Variants in SLC24A2 observed in about 807,000 individuals in gnomAD.
SLC24A2 encodes sodium/potassium/calcium exchanger 2.
Under a neutral mutation model 62.0 loss-of-function variants are expected in SLC24A2, and 36 were observed. The ratio of observed to expected loss-of-function variants is 0.58; its 90% CI spans 0.44 to 0.77. SLC24A2 has a LOEUF of 0.77. SLC24A2 is among the 30% of genes least tolerant of loss of function. The pLI is 0.00. For missense variants in SLC24A2, 846 were observed against 817.9 expected (o/e 1.03, Z -0.42); for synonymous variants, 358 against 294.0 (o/e 1.22, Z -2.23).
At chr9:19,810,497 C>T in the SLC24A2 span, among the ~76,000 whole-genome samples, 1 of 152,134 alleles carries the variant, frequency 6.6e-6, no homozygotes, top group African/African-American at 2.4e-5. Flanking sequence ...AAGAACTGAT[C>T]GGCTCTAATG....
intron 8 of SLC24A2, among the ~76,000 whole-genome samples, chr9:19,534,399 G>A (rs745723255): frequency 3.3e-5 from 5 of 152,046 alleles, no homozygotes; most frequent in Non-Finnish European, 7.4e-5. Flanking sequence ...GGGTACATGC[G>A]CAGAATGTGC....
the SLC24A2 span, among the ~76,000 whole-genome samples, chr9:20,220,470 C>T: frequency 6.6e-6 from 1 of 152,188 alleles, no homozygotes; most frequent in Admixed American, 6.5e-5. Context: ...GGCCTGACCA[C>T]TTCCTGGATC....
At chr9:19,909,996 A>G in the SLC24A2 span, among the ~76,000 whole-genome samples, 3 of 152,116 alleles carry the variant, frequency 2.0e-5, no homozygotes, top group Admixed American at 6.6e-5. Context: ...TCAAAATAAT[A>G]TTTATTGAGT....
At chr9:20,278,858 C>T in the SLC24A2 span, among the ~76,000 whole-genome samples, 560 of 152,246 alleles carry the variant, frequency 3.7e-3, 6 homozygotes, top group African/African-American at 0.013. Context: ...TGTATTAGTC[C>T]ATTCTCACAC....
chr9:19,877,093 A>G, the SLC24A2 span, among the ~76,000 whole-genome samples: 1 of 151,810 alleles, frequency 6.6e-6, no homozygotes, highest in Non-Finnish European at 1.5e-5. Flanking sequence ...TGTGCAGATT[A>G]TTACGCCATT....
At chr9:20,029,238 G>C in the SLC24A2 span, among the ~76,000 whole-genome samples, 1 of 152,340 alleles carries the variant, frequency 6.6e-6, no homozygotes, top group Non-Finnish European at 1.5e-5. Context: ...GTCCATGCCT[G>C]GCTGGGGGAC....
At chr9:20,138,824 C>G in the SLC24A2 span, among the ~76,000 whole-genome samples, 1 of 152,166 alleles carries the variant, frequency 6.6e-6, no homozygotes, top group Non-Finnish European at 1.5e-5. Context: ...AAGAATCCTC[C>G]CCAGTAGATG....
chr9:20,202,828 G>C, the SLC24A2 span, among the ~76,000 whole-genome samples: 1 of 152,102 alleles, frequency 6.6e-6, no homozygotes, highest in Non-Finnish European at 1.5e-5. Flanking sequence ...GGGCTTAGTA[G>C]GTATTAACAT....
the SLC24A2 span, among the ~76,000 whole-genome samples, chr9:20,076,861 GTATATA>G: frequency 2.4e-3 from 253 of 105,862 alleles, no homozygotes; most frequent in African/African-American, 8.8e-3. Context: ...CATATCATAT[GTATATA>G]TATATATATA....
At chr9:20,235,496 G>A in the SLC24A2 span, among the ~76,000 whole-genome samples, 2 of 152,344 alleles carry the variant, frequency 1.3e-5, no homozygotes, top group Non-Finnish European at 2.9e-5. Flanking sequence ...TGCTAGCAAT[G>A]AGCGAGACTC....
chr9:19,792,661 C>T (rs1030303160), upstream of SLC24A2, among the ~76,000 whole-genome samples: 1 of 150,714 alleles, frequency 6.6e-6, no homozygotes, highest in Non-Finnish European at 1.5e-5. Flanking sequence ...TGAGCCGAGA[C>T]GGCGCCATTG....
the SLC24A2 span, among the ~76,000 whole-genome samples, chr9:19,900,015 C>T: frequency 2.0e-5 from 3 of 152,052 alleles, no homozygotes; most frequent in African/African-American, 7.2e-5. Context: ...ACTATTGTAC[C>T]CTGAACCTTC....
intron 2 of SLC24A2, among the ~76,000 whole-genome samples, chr9:19,639,153 A>G (rs1293817827): frequency 6.6e-6 from 1 of 152,086 alleles, no homozygotes; most frequent in Non-Finnish European, 1.5e-5. Context: ...ACAGATCTTC[A>G]TTCCCTCTCC....
the SLC24A2 span, among the ~76,000 whole-genome samples, chr9:19,931,039 A>C: frequency 2.6e-5 from 4 of 152,222 alleles, no homozygotes; most frequent in Non-Finnish European, 4.4e-5. Context: ...ACCTCCAAGA[A>C]AAGACATTAA....
At chr9:19,716,415 G>C (rs932505895) in intron 2 of SLC24A2, among the ~76,000 whole-genome samples, 2 of 152,202 alleles carry the variant, frequency 1.3e-5, no homozygotes, top group African/African-American at 4.8e-5. Flanking sequence ...CCCAATGATA[G>C]ATAGAACAGG....
At chr9:19,704,370 CATAAG>C (rs1820445303) in intron 2 of SLC24A2, among the ~76,000 whole-genome samples, 2 of 150,488 alleles carry the variant, frequency 1.3e-5, no homozygotes, top group African/African-American at 2.5e-5. Context: ...TACATTCACA[CATAAG>C]AGAAGGAAAT....
chr9:19,863,150 C>T, the SLC24A2 span, among the ~76,000 whole-genome samples: 4 of 151,778 alleles, frequency 2.6e-5, no homozygotes, highest in East Asian at 1.9e-4. Flanking sequence ...GAGACAAGGT[C>T]GCTATAGAAT....
intron 7 of SLC24A2, among the ~76,000 whole-genome samples, chr9:19,563,780 T>C (rs1304284053): frequency 7.0e-5 from 3 of 42,990 alleles, no homozygotes; most frequent in African/African-American, 2.4e-4. Context: ...AACAAAACTG[T>C]TGGTTTTTAT....
the SLC24A2 span, among the ~76,000 whole-genome samples, chr9:20,288,189 G>A: frequency 1.3e-5 from 2 of 152,190 alleles, no homozygotes; most frequent in Admixed American, 6.5e-5. Context: ...CTGGGCAGGG[G>A]CAGGGGAGTA....
Sources: gnomAD v4.1 joint callset for allele counts (sites outside exome capture counted in the v4.1 genomes callset) on GRCh38, gnomAD v4.1.1 for gene constraint, MANE v1.5 for transcripts, NCBI Gene and HGNC (gene_info 2026-07-23, HGNC 2026-07-21) for gene names.